The following CFAP54 variants were observed in gnomAD, a reference collection of about 807,000 sequenced individuals.
CFAP54 encodes cilia and flagella associated protein 54, also known as cilia- and flagella-associated protein 54.
Under a neutral mutation model 370.4 loss-of-function variants are expected in CFAP54, and 290 were observed. That is an observed-to-expected ratio of 0.78 (90% CI 0.71 to 0.86). The LOEUF (loss-of-function observed/expected upper bound fraction) is 0.86, where lower values mean the gene tolerates loss of function less well. Among genes scored for constraint, CFAP54 ranks in the 40% least tolerant of loss-of-function variants. The probability of loss-of-function intolerance (pLI) is 0.00; values close to 1 mark genes in which losing one functional copy is unlikely to be tolerated. For synonymous variants in CFAP54, 1,206 were observed against 1,236.5 expected, an observed-to-expected ratio of 0.98 and a Z score of 0.52; for missense variants, 3,399 against 3,528.7, an observed-to-expected ratio of 0.96 and a Z score of 0.93.
At chr12:96,747,336 C>A (rs909341101) in intron 55 of CFAP54, among the ~76,000 whole-genome samples, 3 of 152,192 alleles carry the variant, frequency 2.0e-5, no homozygotes, top group Non-Finnish European at 2.9e-5. Context: ...CTCCCCTTGG[C>A]AGAGGTGATT....
chr12:96,673,775 A>G lies in CFAP54; in HGVS notation c.5564-5825A>G, dbSNP rs1957173780. 2.0e-5 allele frequency among the ~76,000 whole-genome samples: 3 copies of G among 152,206 alleles called. 1 individual carries two copies. The highest frequency in any genetic ancestry group is 7.2e-5 in the African/African-American group (3 of 41,442). ...CCATCATAGATTTTCTTTCGGCATA[A>G]TGGCATTTAGTGGTGATGCGATACA... On this transcript the variant is annotated intron_variant, in intron 39 of 67. Coordinates refer to ENST00000524981, the MANE Select transcript of CFAP54 (RefSeq NM_001306084.2).
intron 66 of CFAP54, among the ~76,000 whole-genome samples, chr12:96,851,321 C>T (rs1273619631): frequency 6.6e-6 from 1 of 152,002 alleles, no homozygotes; most frequent in Non-Finnish European, 1.5e-5. Flanking sequence ...ATGTTTGCTT[C>T]ATAAATGTAT....
chr12:96,738,679 C>T (rs989008169), intron 50 of CFAP54, among the ~76,000 whole-genome samples: 12 of 145,918 alleles, frequency 8.2e-5, no homozygotes, highest in South Asian at 4.3e-4. Flanking sequence ...GGAGTGATCT[C>T]GGCTCACTGC....
chr12:96,642,502 C>G (rs1956742545), intron 32 of CFAP54, among the ~76,000 whole-genome samples: 2 of 152,116 alleles, frequency 1.3e-5, no homozygotes, highest in African/African-American at 2.4e-5. Flanking sequence ...ATCTCTCTAT[C>G]TCTCTGTATC....
intron 26 of CFAP54, among the ~76,000 whole-genome samples, chr12:96,615,787 G>C (rs1419410866): frequency 6.6e-6 from 1 of 152,186 alleles, no homozygotes; most frequent in Non-Finnish European, 1.5e-5. Context: ...GGCCATCAGA[G>C]AAATGCAAAT....
intron 32 of CFAP54, among the ~76,000 whole-genome samples, chr12:96,643,314 C>T (rs1039252498): frequency 2.6e-5 from 4 of 152,146 alleles, no homozygotes; most frequent in Non-Finnish European, 5.9e-5. Context: ...TGCCCTCCTT[C>T]CTTTCTTCAA....
At chr12:96,493,095 G>A (rs575110738) in intron 1 of CFAP54, among the ~76,000 whole-genome samples, 21 of 152,210 alleles carry the variant, frequency 1.4e-4, no homozygotes, top group African/African-American at 2.9e-4. Flanking sequence ...CAGAATCTGC[G>A]CCATCTTTAA....
intron 32 of CFAP54, among the ~76,000 whole-genome samples, chr12:96,640,927 A>T (rs1253054077): frequency 6.6e-6 from 1 of 152,062 alleles, no homozygotes; most frequent in Admixed American, 6.5e-5. Flanking sequence ...AAATTAATTC[A>T]AGATGGATTA....
At chr12:96,575,199 C>T (rs2136420402) in intron 19 of CFAP54, among the ~76,000 whole-genome samples, 1 of 152,124 alleles carries the variant, frequency 6.6e-6, no homozygotes, top group Middle Eastern at 3.4e-3. Flanking sequence ...ATTCTTTGCC[C>T]ATATTTAAAA....
chr12:96,748,618 G>C (rs1421404), intron 55 of CFAP54, among the ~76,000 whole-genome samples: 55,911 of 152,074 alleles, frequency 0.37, 11,264 homozygotes, highest in East Asian at 0.58. Context: ...CAGCTCAGTA[G>C]CAGAATCTTT....
At chr12:96,564,076 C>G (rs962961113) in intron 17 of CFAP54, among the ~76,000 whole-genome samples, 45 of 152,290 alleles carry the variant, frequency 3.0e-4, no homozygotes, top group African/African-American at 1.0e-3. Flanking sequence ...TTGGATGAAA[C>G]AGTTTTTCTA....
At chr12:96,620,209 G>T (rs1956470359) in intron 26 of CFAP54, among the ~76,000 whole-genome samples, 1 of 152,132 alleles carries the variant, frequency 6.6e-6, no homozygotes, top group Non-Finnish European at 1.5e-5. Flanking sequence ...CCCTGCATGA[G>T]AAGTAACAGT....
At chr12:96,552,115 G>A (rs555161568) in intron 15 of CFAP54, among the ~76,000 whole-genome samples, 2 of 151,786 alleles carry the variant, frequency 1.3e-5, no homozygotes, top group South Asian at 2.1e-4. Context: ...GCATGGTGGC[G>A]CATGCCTGTT....
chr12:96,644,101 C>T, intron 32 of CFAP54, 77 bp from the exon 33 acceptor site: 1 of 993,464 alleles, frequency 1.0e-6, no homozygotes, highest in South Asian at 1.7e-5. Flanking sequence ...TGTATTATTT[C>T]CAAATTGGAA....
chr12:96,572,898 C>T, intron 19 of CFAP54: 1 of 985,244 alleles, frequency 1.0e-6, no homozygotes, highest in Non-Finnish European at 1.2e-6. Flanking sequence ...TTTTTTTTAC[C>T]TCAGTTGGAT....
At chr12:96,608,879 AAAGT>A (rs551492753) in intron 26 of CFAP54, among the ~76,000 whole-genome samples, 86 of 152,342 alleles carry the variant, frequency 5.6e-4, no homozygotes, top group Non-Finnish European at 1.0e-3. Flanking sequence ...ATTTTCAGCA[AAAGT>A]AAGAAGGAAA....
intron 38 of CFAP54, among the ~76,000 whole-genome samples, chr12:96,660,663 T>C (rs908144582): frequency 6.6e-6 from 1 of 152,234 alleles, no homozygotes; most frequent in Non-Finnish European, 1.5e-5. Flanking sequence ...TCCCCACCAC[T>C]AAGCAAGAAA....
intron 65 of CFAP54, among the ~76,000 whole-genome samples, chr12:96,822,409 T>G (rs1959043963): frequency 6.6e-6 from 1 of 152,090 alleles, no homozygotes; most frequent in Admixed American, 6.6e-5. Flanking sequence ...ATATAGGGAG[T>G]ATATCCCAAC....
chr12:96,843,707 G>C (rs1959255698), intron 66 of CFAP54, among the ~76,000 whole-genome samples: 1 of 152,188 alleles, frequency 6.6e-6, no homozygotes. Context: ...TTTTTACATA[G>C]AGTGACCATA....
Sources: gnomAD v4.1 joint callset for allele counts (sites outside exome capture counted in the v4.1 genomes callset) on GRCh38, gnomAD v4.1.1 for gene constraint, MANE v1.5 for transcripts, NCBI Gene and HGNC (gene_info 2026-07-23, HGNC 2026-07-21) for gene names.